HYCC1: variants seen among roughly 807,000 people sequenced by gnomAD.
HYCC1 encodes the protein hyccin.
chr7:22,899,184 T>G, the HYCC1 span, among the ~76,000 whole-genome samples: 3 of 152,078 alleles, frequency 2.0e-5, no homozygotes, highest in African/African-American at 7.2e-5. Context: ...GAGTGAGGTC[T>G]GGGGATATTA....
the HYCC1 span, among the ~76,000 whole-genome samples, chr7:23,013,088 G>C: frequency 6.6e-6 from 1 of 152,126 alleles, no homozygotes; most frequent in African/African-American, 2.4e-5. Flanking sequence ...AATCTTTCAG[G>C]AATGTCTAAA....
chr7:23,006,514 A>T, the HYCC1 span, among the ~76,000 whole-genome samples: 11 of 151,908 alleles, frequency 7.2e-5, no homozygotes, highest in Admixed American at 3.3e-4. Context: ...TGATCCACCC[A>T]CCTCGGCCTC....
the HYCC1 span, chr7:22,938,287 G>GA: frequency 1.3e-5 from 2 of 152,152 alleles, no homozygotes; most frequent in African/African-American, 2.4e-5. Flanking sequence ...GACTTTTCAG[G>GA]AATCTTCAAG....
chr7:22,980,216 C>G, the HYCC1 span, among the ~76,000 whole-genome samples: 1 of 150,958 alleles, frequency 6.6e-6, no homozygotes, highest in African/African-American at 2.4e-5. Context: ...ATATTTGAAG[C>G]AAGCAAAGGA....
At chr7:22,995,221 T>C in the HYCC1 span, among the ~76,000 whole-genome samples, 2 of 152,074 alleles carry the variant, frequency 1.3e-5, no homozygotes, top group South Asian at 4.2e-4. Flanking sequence ...GCTTTGAAAC[T>C]CTATCACCAT....
the HYCC1 span, among the ~76,000 whole-genome samples, chr7:22,964,157 G>A: frequency 6.6e-6 from 1 of 151,842 alleles, no homozygotes; most frequent in Non-Finnish European, 1.5e-5. Flanking sequence ...AAGTGTTACT[G>A]ATTTTCATTC....
chr7:23,009,908 T>G, the HYCC1 span, among the ~76,000 whole-genome samples: 2 of 152,170 alleles, frequency 1.3e-5, no homozygotes, highest in Admixed American at 1.3e-4. Flanking sequence ...ATATGCAGCC[T>G]AACTCTGAGA....
the HYCC1 span, among the ~76,000 whole-genome samples, chr7:22,972,858 G>A: frequency 3.3e-5 from 5 of 152,172 alleles, no homozygotes; most frequent in African/African-American, 1.2e-4. Context: ...TTGCTCAGTA[G>A]AATGAATTTG....
At chr7:23,013,621 G>A in the HYCC1 span, among the ~76,000 whole-genome samples, 3 of 152,154 alleles carry the variant, frequency 2.0e-5, no homozygotes, top group Non-Finnish European at 4.4e-5. Flanking sequence ...GGGAAGGAAA[G>A]ACCCGAGTCG....
At chr7:22,901,024 A>G in the HYCC1 span, among the ~76,000 whole-genome samples, 1 of 151,900 alleles carries the variant, frequency 6.6e-6, no homozygotes, top group Admixed American at 6.6e-5. Context: ...GTTTGAGACT[A>G]CCCTGGGCAA....
the HYCC1 span, among the ~76,000 whole-genome samples, chr7:23,002,067 T>G: frequency 6.7e-6 from 1 of 148,448 alleles, no homozygotes; most frequent in Admixed American, 6.8e-5. Context: ...CTATAAAAAT[T>G]GACTGAACAC....
the HYCC1 span, among the ~76,000 whole-genome samples, chr7:22,998,576 T>C: frequency 1.3e-5 from 2 of 152,158 alleles, no homozygotes; most frequent in Non-Finnish European, 2.9e-5. Flanking sequence ...ATAAGTAACA[T>C]ACAGCAAGTA....
chr7:22,929,785 G>T, the HYCC1 span, among the ~76,000 whole-genome samples: 5 of 152,156 alleles, frequency 3.3e-5, no homozygotes, highest in Non-Finnish European at 5.9e-5. Flanking sequence ...TCAGTGTGGC[G>T]ATTCCTCAAG....
the HYCC1 span, chr7:22,960,435 T>C: frequency 6.3e-7 from 1 of 1,599,864 alleles, no homozygotes; most frequent in South Asian, 1.1e-5. Context: ...AAAAATATAG[T>C]TTAAGATCAA....
the HYCC1 span, chr7:22,978,237 A>G: frequency 6.2e-7 from 1 of 1,606,508 alleles, no homozygotes; most frequent in Non-Finnish European, 8.5e-7. Flanking sequence ...ATTTTGTCAA[A>G]AAAGATTTTG....
At chr7:23,005,483 A>T in the HYCC1 span, among the ~76,000 whole-genome samples, 1 of 152,244 alleles carries the variant, frequency 6.6e-6, no homozygotes, top group East Asian at 1.9e-4. Flanking sequence ...GAGGGGGCAC[A>T]GGAGTAAGGC....
chr7:22,945,919 TCTC>T, the HYCC1 span: 1 of 1,613,892 alleles, frequency 6.2e-7, no homozygotes, highest in Non-Finnish European at 8.5e-7. Context: ...CACTTTGGGC[TCTC>T]TGAGTTTGTT....
the HYCC1 span, among the ~76,000 whole-genome samples, chr7:22,969,581 C>T: frequency 6.7e-6 from 1 of 150,322 alleles, no homozygotes; most frequent in Middle Eastern, 3.2e-3. Flanking sequence ...AGGGCAGTGG[C>T]ACGATGATCT....
chr7:22,994,662 C>G, the HYCC1 span, among the ~76,000 whole-genome samples: 1 of 152,138 alleles, frequency 6.6e-6, no homozygotes, highest in Non-Finnish European at 1.5e-5. Flanking sequence ...AGCACGCATG[C>G]AAGCTCAGAA....
Sources: allele counts gnomAD v4.1 joint callset (sites outside exome capture counted in the v4.1 genomes callset), GRCh38; gene constraint gnomAD v4.1.1; transcripts MANE v1.5; gene names NCBI Gene and HGNC (gene_info 2026-07-23, HGNC 2026-07-21).